Variants in PIEZO2 observed in about 807,000 individuals in gnomAD.
PIEZO2 encodes the protein piezo-type mechanosensitive ion channel component 2.
PIEZO2 carries 172 observed loss-of-function variants against 337.3 expected under a neutral mutation model. That is an observed-to-expected ratio of 0.51 (90% CI 0.45 to 0.58). The LOEUF is 0.58. Among genes scored for constraint, PIEZO2 ranks in the 20% least tolerant of loss-of-function variants. PIEZO2 has a pLI of 0.00. For missense variants in PIEZO2, 3,028 were observed against 3,391.3 expected, an observed-to-expected ratio of 0.89 and a Z score of 2.66; for synonymous variants, 1,251 against 1,228.5, an observed-to-expected ratio of 1.02 and a Z score of -0.38.
intron 1 of PIEZO2, among the ~76,000 whole-genome samples, chr18:11,119,916 T>G (rs944619684): frequency 4.6e-5 from 7 of 152,242 alleles, no homozygotes; most frequent in Non-Finnish European, 8.8e-5. Flanking sequence ...TACTACCTAG[T>G]TGATACTTCA....
At chr18:10,898,687 G>C (rs2042967745) in intron 4 of PIEZO2, among the ~76,000 whole-genome samples, 1 of 152,180 alleles carries the variant, frequency 6.6e-6, no homozygotes, top group Non-Finnish European at 1.5e-5. Context: ...TGAGGCTTAA[G>C]ATCAGGGGAA....
At chr18:10,986,357 T>C (rs2034869689) in intron 2 of PIEZO2, among the ~76,000 whole-genome samples, 1 of 151,974 alleles carries the variant, frequency 6.6e-6, no homozygotes, top group South Asian at 2.1e-4. Context: ...GCAAACTGAA[T>C]TCAATGACAC....
At chr18:10,812,199 A>G (rs1341173990) in intron 7 of PIEZO2, among the ~76,000 whole-genome samples, 1 of 152,212 alleles carries the variant, frequency 6.6e-6, no homozygotes, top group Non-Finnish European at 1.5e-5. Context: ...CAAATATCCA[A>G]TGGTAACAAA....
At chr18:10,986,997 C>T (rs1388053349) in intron 2 of PIEZO2, among the ~76,000 whole-genome samples, 2 of 151,722 alleles carry the variant, frequency 1.3e-5, no homozygotes, top group Non-Finnish European at 2.9e-5. Context: ...TGTAAATTTG[C>T]CAAGGAGGTG....
rs778150208 is a variant in PIEZO2, at chr18:10,850,992, G to T, written c.917+4361C>A. 1.3e-5 allele frequency among the ~76,000 whole-genome samples: 2 copies of T among 152,102 alleles called. No individual in the cohort carries two copies. The highest frequency in any genetic ancestry group is 2.9e-5 in the Non-Finnish European group (2 of 67,998). On this transcript the variant is annotated intron_variant, in intron 7 of 55. Transcript: ENST00000674853. The surrounding 1 kb of genome is among the most constrained non-coding windows in gnomAD (Gnocchi z 4.5). ...TTTACCAGAAGATAAAAATTGCTTG[G>T]ACTGTTTTAAGGGCAGCTTTATCTA...
intron 1 of PIEZO2, among the ~76,000 whole-genome samples, chr18:11,106,659 G>A (rs956403888): frequency 6.6e-6 from 1 of 151,902 alleles, no homozygotes; most frequent in Non-Finnish European, 1.5e-5. Flanking sequence ...GTGATCTTCC[G>A]ATCTCAGCCT....
intron 21 of PIEZO2, among the ~76,000 whole-genome samples, chr18:10,763,969 G>A (rs770761901): frequency 1.3e-5 from 2 of 152,138 alleles, no homozygotes; most frequent in Non-Finnish European, 2.9e-5. Flanking sequence ...AGCCTGAGTG[G>A]ATAACAGTGC....
intron 1 of PIEZO2, among the ~76,000 whole-genome samples, chr18:11,076,641 A>G (rs1404945902): frequency 6.6e-6 from 1 of 152,164 alleles, no homozygotes; most frequent in Non-Finnish European, 1.5e-5. Context: ...CAACATATAC[A>G]CTTATCAGAT....
intron 1 of PIEZO2, among the ~76,000 whole-genome samples, chr18:11,140,243 A>G (rs76288964): frequency 6.6e-6 from 1 of 152,178 alleles, no homozygotes; most frequent in African/African-American, 2.4e-5. Flanking sequence ...CAGATCTTTT[A>G]TGATAAATCC....
intron 20 of PIEZO2, among the ~76,000 whole-genome samples, 159 bp from the exon 21 acceptor site, chr18:10,770,467 T>A (rs1259742439): frequency 1.3e-5 from 2 of 152,212 alleles, no homozygotes; most frequent in Non-Finnish European, 2.9e-5. Flanking sequence ...GATGTAAGAA[T>A]CCCAAGTCAT....
intron 2 of PIEZO2, among the ~76,000 whole-genome samples, chr18:11,061,113 A>G (rs1340050467): frequency 2.0e-5 from 3 of 152,232 alleles, no homozygotes; most frequent in Non-Finnish European, 4.4e-5. Flanking sequence ...ACGAAAATCA[A>G]TAAACGTAAT....
Position 10,794,917 on chromosome 18 carries a change from T to A in PIEZO2, c.1613A>T (p.Lys538Ile), listed in dbSNP as rs1481735920. Residue 538 changes from lysine to isoleucine, a missense_variant, in exon 13 of 56, where the codon AAA becomes ATA. Lys to Ile is a moderately radical substitution (Grantham distance 102, BLOSUM62 -3). Coordinates refer to ENST00000674853, the MANE Select transcript of PIEZO2 (RefSeq NM_001378183.1). The surrounding 1 kb of genome is among the most constrained non-coding windows in gnomAD (Gnocchi z 6.6). The stretch of plus-strand genomic sequence containing the variant: ...GAAGGGAGAGCTGATCATGGCATAT[T>A]TTCTTCTGTTGCGAATCATCCAAAG... Reference protein sequence around the residue: ...CTLWMIRNRRKYAMISSPFMV... With the variant: ...CTLWMIRNRRIYAMISSPFMV... The A allele has an allele frequency of 6.5e-7, 1 of 1,543,374 alleles. No individual in the cohort carries two copies. Among genetic ancestry groups the A allele is most frequent in the Admixed American group, 2.0e-5 (1 of 50,998 alleles).
chr18:10,995,082 A>AAAAAAAAAAG (rs534311613), intron 2 of PIEZO2, among the ~76,000 whole-genome samples: 5 of 128,142 alleles, frequency 3.9e-5, no homozygotes, highest in Middle Eastern at 8.1e-3. Context: ...CGTCTCAAAA[A>AAAAAAAAAAG]AAAAAAAAAA....
intron 30 of PIEZO2, 80 bp from the exon 31 acceptor site, chr18:10,744,311 G>A (rs574518246): frequency 2.2e-6 from 2 of 926,660 alleles, no homozygotes; most frequent in South Asian, 2.9e-5. Context: ...ATTACTAAGG[G>A]TTAGAAAACA....
intron 33 of PIEZO2, chr18:10,740,436 G>C (rs937149062): frequency 1.3e-5 from 2 of 152,508 alleles, no homozygotes; most frequent in Non-Finnish European, 2.9e-5. Context: ...TGAAATTGGG[G>C]AGGAGGCGTA....
chr18:10,925,260 T>C (rs1168299576), intron 3 of PIEZO2, among the ~76,000 whole-genome samples: 4 of 152,266 alleles, frequency 2.6e-5, no homozygotes, highest in African/African-American at 9.6e-5. Context: ...ACATGATTAG[T>C]TCTGTCATTA....
At chr18:10,786,217 T>A (rs2039217926) in intron 16 of PIEZO2, among the ~76,000 whole-genome samples, 9 of 152,232 alleles carry the variant, frequency 5.9e-5, no homozygotes, top group Admixed American at 5.9e-4. Flanking sequence ...TTCACAGACC[T>A]GTCACAAAGT....
Position 10,682,087 on chromosome 18 carries a change from G to A in PIEZO2, c.7686+17C>T. 1.3e-6 allele frequency: 2 copies of A among 1,529,330 alleles called. No individual in the cohort carries two copies. The highest frequency in any genetic ancestry group is 2.4e-5 in the South Asian group (2 of 82,774). The allele number at this position is 1,529,330 out of a possible 1,614,324, so 94.7% of individuals were successfully genotyped here. On this transcript the variant is annotated intron_variant, in intron 50 of 55. Coordinates refer to ENST00000674853, the MANE Select transcript of PIEZO2 (RefSeq NM_001378183.1). The surrounding 1 kb of genome is among the most constrained non-coding windows in gnomAD (Gnocchi z 5.6). ...GTGGGGCAAGGCTCTGGTAGGTGGG[G>A]TGTGCACAGAGATCACCTGATACCC...
rs2032688866 is a variant in PIEZO2 at position 10,940,868 on chromosome 18, A to C, written c.287-29640T>G. On this transcript the variant is annotated intron_variant, in intron 3 of 55. Transcript: ENST00000674853. The surrounding 1 kb of genome is among the most constrained non-coding windows in gnomAD (Gnocchi z 5.3). ...AGAGCAAGGCTCCATCTCAAAAAAA[A>C]AAAAGAATTCAGTCTGAGATATATT... Among the ~76,000 whole-genome samples, 1 of 152,216 alleles carries C rather than the reference A, an allele frequency of 6.6e-6. No individual in the cohort carries two copies. Among genetic ancestry groups the C allele is most frequent in the Admixed American group, 6.5e-5 (1 of 15,280 alleles).
Sources: gnomAD v4.1 joint callset for allele counts (sites outside exome capture counted in the v4.1 genomes callset) on GRCh38, gnomAD v4.1.1 for gene constraint, Gnocchi (gnomAD v3.1) non-coding constraint, MANE v1.5 for transcripts, NCBI Gene and HGNC (gene_info 2026-07-23, HGNC 2026-07-21) for gene names.